CCDC172: variants seen among roughly 807,000 people sequenced by gnomAD.
CCDC172 encodes coiled-coil domain containing 172, also known as coiled-coil domain-containing protein 172.
A neutral mutation model predicts 38.0 loss-of-function variants in CCDC172; 30 were observed. The ratio of observed to expected loss-of-function variants is 0.79; its 90% CI spans 0.59 to 1.07. CCDC172 has a LOEUF of 1.07. Ranked by LOEUF, CCDC172 falls within the 50% of genes least tolerant of loss-of-function variation. The pLI is 0.00. For synonymous variants in CCDC172, 78 were observed against 88.3 expected (o/e 0.88, Z 0.66); for missense variants, 297 against 290.1 (o/e 1.02, Z -0.17).
intron 7 of CCDC172, among the ~76,000 whole-genome samples, chr10:116,373,679 A>G (rs995874946): frequency 6.6e-6 from 1 of 151,706 alleles, no homozygotes; most frequent in Non-Finnish European, 1.5e-5. Context: ...TAATTTTTGT[A>G]TTTTTACTAG....
Position 116,340,791 on chromosome 10 carries a change from G to A in CCDC172, c.223G>A (p.Ala75Thr), listed in dbSNP as rs770238940. ...FLQLLKAHEN[A>T]LEKQYSEITN... Reference sequence around the variant, plus strand: ...ACAGCTTTTGAAAGCTCATGAAAATGCTTTAGAAAAACAGTACAGTGAAAT... The same window carrying A: ...ACAGCTTTTGAAAGCTCATGAAAATACTTTAGAAAAACAGTACAGTGAAAT... Residue 75 changes from alanine (A) to threonine (T), a missense_variant, in exon 4 of 9, where the codon GCT becomes ACT. By Grantham distance (58) the Ala-to-Thr change is moderately conservative (BLOSUM62 0). Coordinates refer to ENST00000333254, the MANE Select transcript of CCDC172 (RefSeq NM_198515.3). The A allele has an allele frequency of 3.7e-6, 6 of 1,606,574 alleles. No individual in the cohort carries two copies. Among genetic ancestry groups the A allele is most frequent in the Non-Finnish European group, 8.5e-7 (1 of 1,175,750 alleles).
chr10:116,346,883 A>G (rs1463148012), intron 5 of CCDC172, among the ~76,000 whole-genome samples: 2 of 152,144 alleles, frequency 1.3e-5, no homozygotes, highest in Non-Finnish European at 1.5e-5. Context: ...GCTGGCCCCA[A>G]CAGTATGAAT....
chr10:116,373,859 G>GT (rs1228231800), intron 7 of CCDC172, among the ~76,000 whole-genome samples: 1 of 152,156 alleles, frequency 6.6e-6, no homozygotes, highest in Non-Finnish European at 1.5e-5. Flanking sequence ...TTGAAGTCAT[G>GT]TATTAACCCA....
intron 5 of CCDC172, among the ~76,000 whole-genome samples, chr10:116,348,886 C>A (rs138479894): frequency 1.3e-5 from 2 of 152,220 alleles, no homozygotes; most frequent in Admixed American, 1.3e-4. Flanking sequence ...TTGTGGGTCC[C>A]CAACCCCTGG....
chr10:116,350,443 AGGTTGACTTTAAGGTTTTTGG>A (rs1263147033), intron 5 of CCDC172, among the ~76,000 whole-genome samples: 2 of 152,216 alleles, frequency 1.3e-5, no homozygotes, highest in African/African-American at 2.4e-5. Flanking sequence ...ATAAGTGTTA[AGGTTGACTTTAAGGTTTTTGG>A]CCTGAGAAAC....
At chr10:116,342,437 G>A (rs191620202) in intron 5 of CCDC172, among the ~76,000 whole-genome samples, 15 of 152,242 alleles carry the variant, frequency 9.9e-5, no homozygotes, top group Non-Finnish European at 1.9e-4. Context: ...TATCTGTTAT[G>A]TGATAGGCAC....
chr10:116,351,985 G>A (rs1470855230), intron 5 of CCDC172, among the ~76,000 whole-genome samples: 2 of 152,226 alleles, frequency 1.3e-5, no homozygotes, highest in African/African-American at 2.4e-5. Flanking sequence ...GTCTTTGGAT[G>A]TACTTGAACC....
At chr10:116,332,125 C>T (rs1410668720) in intron 3 of CCDC172, among the ~76,000 whole-genome samples, 1 of 152,130 alleles carries the variant, frequency 6.6e-6, no homozygotes, top group African/African-American at 2.4e-5. Context: ...ATCCCTAATG[C>T]CTGTATCCTT....
intron 1 of CCDC172, 29 bp from the exon 2 acceptor site, chr10:116,324,918 G>T: frequency 2.9e-6 from 3 of 1,028,892 alleles, no homozygotes; most frequent in Admixed American, 1.9e-5. Context: ...GGTTCTAGAA[G>T]AATCCATCTT....
intron 3 of CCDC172, among the ~76,000 whole-genome samples, chr10:116,333,635 A>G (rs1009008095): frequency 6.6e-6 from 1 of 152,178 alleles, no homozygotes; most frequent in Non-Finnish European, 1.5e-5. Context: ...GTTGCTCCCC[A>G]GGAAGAGTCT....
At chr10:116,376,561 A>T (rs189139005) in intron 7 of CCDC172, among the ~76,000 whole-genome samples, 109 of 152,322 alleles carry the variant, frequency 7.2e-4, no homozygotes, top group Non-Finnish European at 1.6e-4. Context: ...AATAATTTTT[A>T]AAAAATTCCT....
intron 7 of CCDC172, among the ~76,000 whole-genome samples, chr10:116,358,776 A>T (rs370220213): frequency 6.6e-6 from 1 of 152,192 alleles, no homozygotes; most frequent in Non-Finnish European, 1.5e-5. Flanking sequence ...GGTGATATGT[A>T]TGATGCAGAA....
In CCDC172 at chr10:116,357,827, T is replaced by C. The variant is rs770458874; in HGVS notation, c.551-9T>C. 1.5e-6 allele frequency: 2 copies of C among 1,302,564 alleles called. No homozygotes were observed. Among genetic ancestry groups the C allele is most frequent in the Non-Finnish European group, 2.2e-6 (2 of 926,768 alleles). 80.7% of individuals were successfully genotyped at this position (1,302,564 alleles called of 1,614,324 possible). A position where few individuals can be genotyped will look rare whatever the true frequency, so the allele number is the denominator to read the frequency against. ...TCAAAAGATTGCAACTATTTTTTGA[T>C]TTGTTTAGTTTTTGAAGATGAAGAG... On this transcript the variant is annotated splice_polypyrimidine_tract_variant and intron_variant, in intron 6 of 8. Transcript: ENST00000333254.
At chr10:116,365,430 T>C (rs1477868934) in intron 7 of CCDC172, among the ~76,000 whole-genome samples, 1 of 152,142 alleles carries the variant, frequency 6.6e-6, no homozygotes, top group Non-Finnish European at 1.5e-5. Flanking sequence ...GAGCACGTGT[T>C]GATGGAATGG....
In CCDC172 at chr10:116,352,934, C is replaced by T. The variant is rs1225805430; in HGVS notation, c.449-4446C>T. On this transcript the variant is annotated intron_variant, in intron 5 of 8. Coordinates refer to ENST00000333254, the MANE Select transcript of CCDC172 (RefSeq NM_198515.3). ...CAAGGCCGGGCACAGTGGCTCATGC[C>T]TGTAATCCCAGTACTTTGGGAGGCC... Among the ~76,000 whole-genome samples the T allele has an allele frequency of 2.0e-5, 3 of 152,236 alleles. No homozygotes were observed. The East Asian group carries it at 5.8e-4, about 29-fold the overall frequency.
intron 7 of CCDC172, among the ~76,000 whole-genome samples, chr10:116,368,205 G>C (rs980348137): frequency 3.9e-5 from 6 of 152,022 alleles, no homozygotes; most frequent in Admixed American, 6.6e-5. Flanking sequence ...TCCATTGGTA[G>C]TACTAAGTAA....
chr10:116,332,925 A>G (rs916749463), intron 3 of CCDC172, among the ~76,000 whole-genome samples: 4 of 152,126 alleles, frequency 2.6e-5, no homozygotes, highest in African/African-American at 7.2e-5. Flanking sequence ...TTTTTGCAGT[A>G]TTAGTTTTAG....
At chr10:116,350,055 G>C (rs534342276) in intron 5 of CCDC172, among the ~76,000 whole-genome samples, 1 of 152,280 alleles carries the variant, frequency 6.6e-6, no homozygotes, top group East Asian at 1.9e-4. Flanking sequence ...TTTTGAGAAA[G>C]AGCAGAGCCT....
intron 7 of CCDC172, among the ~76,000 whole-genome samples, chr10:116,363,740 T>C (rs1589957664): frequency 6.6e-6 from 1 of 151,850 alleles, no homozygotes; most frequent in African/African-American, 2.4e-5. Context: ...AGTTCGAGAC[T>C]GGCCTGGCCA....
Sources: allele counts gnomAD v4.1 joint callset (sites outside exome capture counted in the v4.1 genomes callset), GRCh38; gene constraint gnomAD v4.1.1; transcripts MANE v1.5; gene names NCBI Gene and HGNC (gene_info 2026-07-23, HGNC 2026-07-21).